Variants in SLC4A10 observed in about 807,000 individuals in gnomAD.
SLC4A10 encodes sodium-driven chloride bicarbonate exchanger.
Under a neutral mutation model 137.7 loss-of-function variants are expected in SLC4A10, and 42 were observed. The ratio of observed to expected loss-of-function variants is 0.30; its 90% CI spans 0.24 to 0.39. The LOEUF is 0.39. Among genes scored for constraint, SLC4A10 ranks in the 10% least tolerant of loss-of-function variants. The pLI is 1.00. For missense variants in SLC4A10, 925 were observed against 1,355.0 expected, an observed-to-expected ratio of 0.68 and a Z score of 4.98; for synonymous variants, 474 against 464.1, an observed-to-expected ratio of 1.02 and a Z score of -0.27.
intron 10 of SLC4A10, among the ~76,000 whole-genome samples, chr2:161,887,600 T>G (rs912558095): frequency 3.3e-5 from 5 of 152,208 alleles, no homozygotes; most frequent in Admixed American, 6.5e-5. Context: ...GCCACATAAA[T>G]GTCTTCTTTT....
rs572864709 is a variant in SLC4A10 at position 161,748,112 on chromosome 2, T to G, written c.49-22861T>G. Among the ~76,000 whole-genome samples the G allele has an allele frequency of 2.6e-5, 4 of 152,236 alleles. No homozygotes were observed. The South Asian group carries it at 6.2e-4, about 24-fold the overall frequency. Reference sequence around the variant, plus strand: ...TTATTTGCTCATTTTAAAATTGAGTTATTTGGGGGGTTTTTGCTATTGAGT... The same window carrying G: ...TTATTTGCTCATTTTAAAATTGAGTGATTTGGGGGGTTTTTGCTATTGAGT... On this transcript the variant is annotated intron_variant, in intron 1 of 26. Coordinates refer to ENST00000446997, the MANE Select transcript of SLC4A10 (RefSeq NM_001178015.2).
intron 1 of SLC4A10, among the ~76,000 whole-genome samples, chr2:161,724,641 T>A (rs2046035836): frequency 6.6e-6 from 1 of 152,204 alleles, no homozygotes; most frequent in African/African-American, 2.4e-5. Context: ...TTTAGTTAAA[T>A]TTAGTCTTAA....
intron 26 of SLC4A10, among the ~76,000 whole-genome samples, chr2:161,980,803 A>G (rs1006653315): frequency 2.3e-4 from 35 of 152,342 alleles, no homozygotes; most frequent in African/African-American, 9.6e-5. Flanking sequence ...ACTCTTATCT[A>G]TCTTGTACTC....
chr2:161,646,190 A>G (rs1001305488), intron 1 of SLC4A10, among the ~76,000 whole-genome samples: 1 of 152,032 alleles, frequency 6.6e-6, no homozygotes, highest in Non-Finnish European at 1.5e-5. Context: ...TTAAGTTTCC[A>G]TAGGGTCAGA....
chr2:161,791,859 T>C (rs1304419717), intron 2 of SLC4A10, among the ~76,000 whole-genome samples: 1 of 152,168 alleles, frequency 6.6e-6, no homozygotes, highest in Non-Finnish European at 1.5e-5. Flanking sequence ...ATTTGAAAAA[T>C]CTAAATTATT....
intron 18 of SLC4A10, among the ~76,000 whole-genome samples, chr2:161,949,898 G>A (rs7604885): frequency 0.38 from 56,812 of 151,278 alleles, 11,320 homozygotes; most frequent in Admixed American, 0.45. Flanking sequence ...TGAATTTTCC[G>A]CTTGTGGCAT....
At chr2:161,870,596 T>G (rs1264762267) in intron 6 of SLC4A10, among the ~76,000 whole-genome samples, 1 of 151,872 alleles carries the variant, frequency 6.6e-6, no homozygotes, top group Non-Finnish European at 1.5e-5. Context: ...GTGAAACTGG[T>G]GATTGAAGAC....
At chr2:161,945,523 G>C (rs1225956682) in intron 16 of SLC4A10, among the ~76,000 whole-genome samples, 1 of 151,324 alleles carries the variant, frequency 6.6e-6, no homozygotes, top group Non-Finnish European at 1.5e-5. Flanking sequence ...CCATATGTTA[G>C]ACTCAAAAAA....
intron 1 of SLC4A10, among the ~76,000 whole-genome samples, chr2:161,744,645 T>C (rs1458099994): frequency 6.6e-6 from 1 of 152,156 alleles, no homozygotes; most frequent in Non-Finnish European, 1.5e-5. Context: ...CTATAACCCA[T>C]TATTTTCAAT....
intron 5 of SLC4A10, among the ~76,000 whole-genome samples, chr2:161,859,986 A>T (rs1367443843): frequency 6.6e-6 from 1 of 152,212 alleles, no homozygotes; most frequent in Non-Finnish European, 1.5e-5. Context: ...CTCTGGACCC[A>T]ACGTCATTAT....
At chr2:161,708,687 T>C in intron 1 of SLC4A10, 1 of 1,506,828 alleles carries the variant, frequency 6.6e-7, no homozygotes, top group South Asian at 1.3e-5. Context: ...GATATTTTTT[T>C]CACTAGCCCT....
At chr2:161,699,697 T>C (rs1187604927) in intron 1 of SLC4A10, among the ~76,000 whole-genome samples, 3 of 152,090 alleles carry the variant, frequency 2.0e-5, no homozygotes, top group African/African-American at 7.2e-5. Context: ...TAAAGGGCTT[T>C]GAGAAAGGGA....
At chr2:161,787,284 G>T (rs62190664) in intron 2 of SLC4A10, among the ~76,000 whole-genome samples, 11,036 of 152,120 alleles carry the variant, frequency 0.073, 465 homozygotes, top group East Asian at 0.15. Context: ...TGTTGAGAAA[G>T]CCACTGCTAG....
intron 15 of SLC4A10, among the ~76,000 whole-genome samples, chr2:161,930,844 A>G (rs1453699478): frequency 6.6e-6 from 1 of 152,194 alleles, no homozygotes; most frequent in Admixed American, 6.5e-5. Context: ...CTTCCAGCAA[A>G]GTTGACAAAG....
chr2:161,755,798 T>A (rs2049563305), intron 1 of SLC4A10, among the ~76,000 whole-genome samples: 2 of 148,354 alleles, frequency 1.3e-5, no homozygotes, highest in Non-Finnish European at 3.0e-5. Context: ...TGAGACGGAG[T>A]CTTGCCCTGT....
chr2:161,778,565 A>G (rs2052649971), intron 2 of SLC4A10, among the ~76,000 whole-genome samples: 2 of 151,930 alleles, frequency 1.3e-5, no homozygotes, highest in African/African-American at 2.4e-5. Context: ...CCTTTAATTC[A>G]TAATGTAATT....
rs2061177100 is a variant in SLC4A10 at position 161,872,290 on chromosome 2, T to G, written c.767-3T>G. ...TGTATTCTGTCACAACAATCTCTTT[T>G]AGCAGGTCAGGTTGTTTCTCCTCAG... On this transcript the variant is annotated splice_polypyrimidine_tract_variant and splice_region_variant and intron_variant, in intron 6 of 26. Coordinates refer to ENST00000446997, the MANE Select transcript of SLC4A10 (RefSeq NM_001178015.2). 1 of 1,611,752 alleles carries G rather than the reference T, an allele frequency of 6.2e-7. No homozygotes were observed. Among genetic ancestry groups the G allele is most frequent in the Non-Finnish European group, 8.5e-7 (1 of 1,178,152 alleles).
chr2:161,971,373 C>T (rs899210558), intron 23 of SLC4A10, among the ~76,000 whole-genome samples: 1 of 152,148 alleles, frequency 6.6e-6, no homozygotes, highest in Admixed American at 6.5e-5. Flanking sequence ...ATAAACGTCC[C>T]TCTAGTTAAA....
intron 4 of SLC4A10, among the ~76,000 whole-genome samples, chr2:161,848,199 A>G (rs1239539787): frequency 1.3e-5 from 2 of 151,984 alleles, no homozygotes; most frequent in African/African-American, 4.8e-5. Context: ...GTGTCTGTTA[A>G]TATCTTTTGC....
Sources: gnomAD v4.1 joint callset for allele counts (sites outside exome capture counted in the v4.1 genomes callset) on GRCh38, gnomAD v4.1.1 for gene constraint, MANE v1.5 for transcripts, NCBI Gene and HGNC (gene_info 2026-07-23, HGNC 2026-07-21) for gene names.